KRT72: variants seen among roughly 807,000 people sequenced by gnomAD.
KRT72 encodes the protein keratin 72.
In KRT72, 44 loss-of-function variants were observed where a neutral mutation model predicts 44.7. The ratio of observed to expected loss-of-function variants is 0.98; its 90% CI spans 0.77 to 1.27. The LOEUF is 1.27. Among genes scored for constraint, KRT72 ranks in the 50% most tolerant of loss-of-function variants. KRT72 has a pLI of 0.00. For synonymous variants in KRT72, 302 were observed against 280.4 expected (o/e 1.08, Z -0.77); for missense variants, 736 against 667.1 (o/e 1.10, Z -1.14).
chr12:52,590,446 G>C (rs895919065), intron 6 of KRT72, among the ~76,000 whole-genome samples: 2 of 152,180 alleles, frequency 1.3e-5, no homozygotes, highest in Non-Finnish European at 2.9e-5. Flanking sequence ...CTACCCAGTG[G>C]TGTACCCTGC....
At chr12:52,590,519 G>T (rs775579010) in intron 6 of KRT72, among the ~76,000 whole-genome samples, 1 of 152,154 alleles carries the variant, frequency 6.6e-6, no homozygotes, top group Non-Finnish European at 1.5e-5. Flanking sequence ...ACCTGCACAC[G>T]TGCTGTGCAC....
chr12:52,600,804 G>A (rs1940411192), intron 1 of KRT72, among the ~76,000 whole-genome samples: 1 of 151,860 alleles, frequency 6.6e-6, no homozygotes, highest in Non-Finnish European at 1.5e-5. Context: ...TTTATTGGAA[G>A]TATGTGCCAG....
At chr12:52,587,536 A>C in intron 7 of KRT72, 95 bp downstream of exon 7, 3 of 1,312,834 alleles carry the variant, frequency 2.3e-6, no homozygotes, top group Non-Finnish European at 3.3e-6. Context: ...GTTTTACTTC[A>C]GTAGGACCTA....
In KRT72 at chr12:52,587,791, C is replaced by T. The variant is rs1037382114; in HGVS notation, c.1150G>A (p.Asp384Asn). The change falls in exon 7 of 9, where the codon GAT becomes AAT. Residue 384 changes from aspartate to asparagine, a missense_variant. Coordinates refer to ENST00000293745, the MANE Select transcript of KRT72 (RefSeq NM_080747.3). Reference sequence around the variant, plus strand: ...AGCTCATCCAGCTTGGCCCGGGCATCTTTCAGGGCGCAGTCCCCCCGCTGT... The same window carrying T: ...AGCTCATCCAGCTTGGCCCGGGCATTTTTCAGGGCGCAGTCCCCCCGCTGT... ...AEQRGDCALK[D>N]ARAKLDELEG... The T allele has an allele frequency of 6.2e-7, 1 of 1,614,114 alleles. No homozygotes were observed. The highest frequency in any genetic ancestry group is 8.5e-7 in the Non-Finnish European group (1 of 1,180,050).
upstream of KRT72, among the ~76,000 whole-genome samples, chr12:52,601,766 C>T (rs1006482239): frequency 2.0e-5 from 3 of 152,136 alleles, no homozygotes; most frequent in African/African-American, 7.2e-5. Context: ...ACCTGCTGGC[C>T]TCCAATTACT....
At chr12:52,593,797 C>T (rs1233454632) in intron 2 of KRT72, among the ~76,000 whole-genome samples, 1 of 152,154 alleles carries the variant, frequency 6.6e-6, no homozygotes, top group Admixed American at 6.5e-5. Context: ...CAAATGATCT[C>T]ATTCATGTGA....
chr12:52,592,880 C>T lies in KRT72; in HGVS notation c.702+12G>A, dbSNP rs1472460633. On this transcript the variant is annotated intron_variant, in intron 3 of 8. Transcript: ENST00000293745. ...TCTAGGCTTCTTCCAGCCCACCTGGCACCCCTCTTACCTTCTTGAGCACCA... is the reference window on the plus strand; with the variant it reads ...TCTAGGCTTCTTCCAGCCCACCTGGTACCCCTCTTACCTTCTTGAGCACCA... 3 of 1,613,274 alleles carry T rather than the reference C, an allele frequency of 1.9e-6. No individual in the cohort carries two copies. Among genetic ancestry groups the T allele is most frequent in the Non-Finnish European group, 2.5e-6 (3 of 1,179,492 alleles).
At chr12:52,600,278 C>T (rs929054524) in intron 1 of KRT72, among the ~76,000 whole-genome samples, 3 of 152,206 alleles carry the variant, frequency 2.0e-5, no homozygotes, top group Non-Finnish European at 2.9e-5. Flanking sequence ...TGTCCTGCAA[C>T]GTCTCTTGGC....
rs1049462778 is a variant in KRT72 at position 52,599,916 on chromosome 12, T to C, written c.427-804A>G. ...GGCAGAACAACAACAGAATCATGGGTTGTGATTGTAAATGAGAATCACTTG... is the reference window on the plus strand; with the variant it reads ...GGCAGAACAACAACAGAATCATGGGCTGTGATTGTAAATGAGAATCACTTG... On this transcript the variant is annotated intron_variant, in intron 1 of 8. Transcript: ENST00000293745. 9.6e-5 allele frequency among the ~76,000 whole-genome samples: 5 copies of C among 52,282 alleles called. No homozygotes were observed. In the African/African-American group the frequency reaches 1.4e-3, roughly 15 times the overall value. 34.3% of individuals were successfully genotyped at this position (52,282 alleles called of 152,430 possible).
Position 52,592,260 on chromosome 12 carries a change from C to T in KRT72, c.798+136G>A, listed in dbSNP as rs1257895651. On this transcript the variant is annotated intron_variant, in intron 4 of 8. Transcript: ENST00000293745. ...GCTCATTGTTCAGCACCCAGTAGGG[C>T]CTTGGTGAATGTCAGGGGCACCAGG... The T allele has an allele frequency of 2.1e-5, 14 of 674,450 alleles. No individual in the cohort carries two copies. The Admixed American group carries it at 3.3e-4, about 16-fold the overall frequency. 41.8% of individuals were successfully genotyped at this position (674,450 alleles called of 1,614,324 possible). A position where few individuals can be genotyped will look rare whatever the true frequency, so the allele number is the denominator to read the frequency against.
intron 2 of KRT72, among the ~76,000 whole-genome samples, chr12:52,597,182 T>C (rs1224199259): frequency 6.6e-6 from 1 of 152,124 alleles, no homozygotes; most frequent in African/African-American, 2.4e-5. Flanking sequence ...GATTAAAAGG[T>C]TGTAGTTTCA....
intron 4 of KRT72, 128 bp from the exon 5 acceptor site, chr12:52,591,756 CCA>C: frequency 1.1e-6 from 1 of 896,928 alleles, no homozygotes; most frequent in Non-Finnish European, 1.7e-6. Context: ...TGCCTCAGCA[CCA>C]GTGCCTGGCA....
Position 52,593,569 on chromosome 12 carries a change from T to C in KRT72, c.642-617A>G, listed in dbSNP as rs143742296. The stretch of plus-strand genomic sequence containing the variant: ...CCCTTATTATTCTCAAAGAATGCAT[T>C]ACAGGACATTTGTGAGAGTATGGTA... On this transcript the variant is annotated intron_variant, in intron 2 of 8. Transcript: ENST00000293745. 1.4e-3 allele frequency among the ~76,000 whole-genome samples: 218 copies of C among 152,310 alleles called. 1 individual carries two copies. The highest frequency in any genetic ancestry group is 3.6e-3 in the Admixed American group (55 of 15,298).
At position 52,601,259 on chromosome 12, in the gene KRT72, C is replaced by T. The variant is rs774099286; in HGVS notation, c.194G>A (p.Arg65Gln). 4 of 1,559,702 alleles carry T rather than the reference C, an allele frequency of 2.6e-6. No homozygotes were observed. The highest frequency in any genetic ancestry group is 1.9e-5 in the Admixed American group (1 of 52,012). ...GCCGCCCAGGCGGCCGCCGCCCCGC[C>T]GTGCAGCAGCGCTGAGCGCCAGGCT... The part of the protein sequence containing the change: ...SRSLALSAAA[R>Q]RGGGRLGGFV... Residue 65 changes from arginine to glutamine, a missense_variant, in exon 1 of 9, where the codon CGG becomes CAG. By Grantham distance (43) the Arg-to-Gln change is conservative. Transcript: ENST00000293745.
chr12:52,586,804 T>C, intron 8 of KRT72, 142 bp downstream of exon 8: 3 of 779,696 alleles, frequency 3.8e-6, no homozygotes, highest in Non-Finnish European at 2.3e-6. Context: ...CCTTAGTTAC[T>C]ACAGCCAGCT....
At chr12:52,599,891 G>C (rs943041602) in intron 1 of KRT72, among the ~76,000 whole-genome samples, 6 of 144,560 alleles carry the variant, frequency 4.2e-5, no homozygotes, top group Non-Finnish European at 4.5e-5. Flanking sequence ...TCATCTGCAA[G>C]GCAGAACAAC....
At chr12:52,593,865 A>G (rs615265) in intron 2 of KRT72, among the ~76,000 whole-genome samples, 121,228 of 152,090 alleles carry the variant, frequency 0.8, 49,151 homozygotes, top group African/African-American at 0.95. Flanking sequence ...GCCAGGGGCT[A>G]GGAAGAGGGG....
rs145898225 is a variant in KRT72, at chr12:52,591,254, A to G, written c.963+210T>C. On this transcript the variant is annotated intron_variant, in intron 5 of 8. Coordinates refer to ENST00000293745, the MANE Select transcript of KRT72 (RefSeq NM_080747.3). ...ATAGGAGAAGGGCTAAGCCCCATATATGTCCGCAAAACAAGCCAAGACTGT... is the reference window on the plus strand; with the variant it reads ...ATAGGAGAAGGGCTAAGCCCCATATGTGTCCGCAAAACAAGCCAAGACTGT... Among the ~76,000 whole-genome samples the G allele has an allele frequency of 2.8e-4, 42 of 152,306 alleles. No homozygotes were observed. In the East Asian group the frequency reaches 7.5e-3, roughly 27 times the overall value.
chr12:52,599,462 T>C (rs1445605066), intron 1 of KRT72: 2 of 467,214 alleles, frequency 4.3e-6, no homozygotes, highest in Non-Finnish European at 8.5e-6. Context: ...GGGAGTGACA[T>C]TGGAAAGCAC....
Sources: allele counts gnomAD v4.1 joint callset (sites outside exome capture counted in the v4.1 genomes callset), GRCh38; gene constraint gnomAD v4.1.1; transcripts MANE v1.5; gene names NCBI Gene and HGNC (gene_info 2026-07-23, HGNC 2026-07-21).